The following GSG1L2 variants were observed in gnomAD, a reference collection of about 807,000 sequenced individuals.
GSG1L2 encodes GSG1 like 2, also known as germ cell-specific gene 1-like protein 2.
In GSG1L2, 15 loss-of-function variants were observed where a neutral mutation model predicts 9.0. The ratio of observed to expected loss-of-function variants is 1.67; its 90% CI spans 1.12 to 2.57. GSG1L2 has a LOEUF of 2.57. Among genes scored for constraint, GSG1L2 ranks in the 30% most tolerant of loss-of-function variants. GSG1L2 has a pLI of 0.00. For synonymous variants in GSG1L2, 127 were observed against 57.9 expected (o/e 2.19, Z -5.41); for missense variants, 286 against 150.3 (o/e 1.90, Z -4.72).
Position 9,801,561 on chromosome 17 carries a change from G to A in GSG1L2, c.*825C>T, listed in dbSNP as rs1360853195. 6.6e-6 allele frequency among the ~76,000 whole-genome samples: 1 copy of A among 152,148 alleles called. No homozygotes were observed. The highest frequency in any genetic ancestry group is 2.4e-5 in the African/African-American group (1 of 41,418). On this transcript the variant is annotated 3_prime_UTR_variant, in exon 5 of 5. Coordinates refer to ENST00000399363, the MANE Select transcript of GSG1L2 (RefSeq NM_001310219.2). ...CAAATTATGTGTGGAACAACCTGTG[G>A]CCTGAATAACATGGTAGCTGGACAT... is the stretch of plus-strand genomic sequence containing the variant.
At position 9,820,559 on chromosome 17, in the gene GSG1L2, C is replaced by T. The variant is rs1021081333; in HGVS notation, c.310+1203G>A. Among the ~76,000 whole-genome samples the T allele has an allele frequency of 2.6e-5, 4 of 152,076 alleles. No individual in the cohort carries two copies. Among genetic ancestry groups the T allele is most frequent in the South Asian group, 2.1e-4 (1 of 4,830 alleles). Reference sequence around the variant, plus strand: ...TTAAAGCACAAGACACAGGCACTGGCCTGGATACATGGGAGGTTCAGTCAG... The same window carrying T: ...TTAAAGCACAAGACACAGGCACTGGTCTGGATACATGGGAGGTTCAGTCAG... On this transcript the variant is annotated intron_variant, in intron 1 of 4. Transcript: ENST00000399363. The surrounding 1 kb of genome is among the most constrained non-coding windows in gnomAD (Gnocchi z 4.9).
At chr17:9,816,990 A>C (rs1016137203) in intron 1 of GSG1L2, among the ~76,000 whole-genome samples, 1 of 151,188 alleles carries the variant, frequency 6.6e-6, no homozygotes, top group Admixed American at 6.6e-5. Flanking sequence ...CTTCCTCTAG[A>C]GGAAGGAACC....
chr17:9,814,956 C>T (rs1421484135), intron 1 of GSG1L2, among the ~76,000 whole-genome samples: 1 of 152,192 alleles, frequency 6.6e-6, no homozygotes, highest in South Asian at 2.1e-4. Context: ...GAACATTTCG[C>T]GTAAGTGCTG....
chr17:9,808,198 A>C (rs1359854968), intron 3 of GSG1L2, among the ~76,000 whole-genome samples: 1 of 152,172 alleles, frequency 6.6e-6, no homozygotes. Flanking sequence ...TTGAGGACTA[A>C]AGGAAGTCAT....
chr17:9,811,061 G>T (rs2066537041), intron 1 of GSG1L2: 1 of 167,464 alleles, frequency 6.0e-6, no homozygotes. Flanking sequence ...TTGGGGGGTT[G>T]TTTGTTATTG....
rs768108424 is a variant in GSG1L2 at position 9,802,532 on chromosome 17, G to A, written c.736C>T (p.Arg246Trp). Residue 246 changes from arginine (R) to tryptophan (W), a missense_variant, in exon 5 of 5, where the codon CGG (arginine) becomes TGG (tryptophan). By Grantham distance (101) the Arg-to-Trp change is moderately radical (BLOSUM62 -3). Transcript: ENST00000399363. ...TEKQQAQNGS[R>W]HSQHSFLEPE... Reference sequence around the variant, plus strand: ...TCCAGGAAGCTGTGTTGAGAGTGCCGACTGCCGTTCTGTGCCTGCTGCTTC... The same window carrying A: ...TCCAGGAAGCTGTGTTGAGAGTGCCAACTGCCGTTCTGTGCCTGCTGCTTC... 6.5e-5 allele frequency: 46 copies of A among 702,472 alleles called. No homozygotes were observed. The highest frequency in any genetic ancestry group is 1.1e-4 in the Non-Finnish European group (42 of 384,930). 43.5% of individuals were successfully genotyped at this position (702,472 alleles called of 1,614,324 possible).
chr17:9,821,475 C>G (rs1334768331), intron 1 of GSG1L2, among the ~76,000 whole-genome samples: 3 of 152,238 alleles, frequency 2.0e-5, no homozygotes, highest in Non-Finnish European at 4.4e-5. Flanking sequence ...GTATGTGAAT[C>G]TGGTCATTTC....
chr17:9,810,721 G>A (rs2152023319), intron 1 of GSG1L2, 103 bp from the exon 2 acceptor site: 1 of 687,262 alleles, frequency 1.5e-6, no homozygotes, highest in Non-Finnish European at 2.6e-6. Flanking sequence ...TGGGGAGTGT[G>A]CAGACTGCTT....
At chr17:9,817,383 T>C (rs1190912124) in intron 1 of GSG1L2, among the ~76,000 whole-genome samples, 2 of 151,460 alleles carry the variant, frequency 1.3e-5, no homozygotes, top group East Asian at 1.9e-4. Flanking sequence ...CCCTAGCTCC[T>C]CCTGACATCA....
intron 4 of GSG1L2, among the ~76,000 whole-genome samples, chr17:9,806,853 G>A (rs1292389075): frequency 2.6e-5 from 4 of 152,198 alleles, no homozygotes; most frequent in South Asian, 2.1e-4. Context: ...AACAACTCAC[G>A]AAGCATATGG....
intron 1 of GSG1L2, among the ~76,000 whole-genome samples, chr17:9,816,625 T>G (rs1297511882): frequency 7.8e-6 from 1 of 128,688 alleles, no homozygotes; most frequent in Non-Finnish European, 1.6e-5. Flanking sequence ...TGTGTCTGTT[T>G]TGCATGTCTG....
intron 1 of GSG1L2, among the ~76,000 whole-genome samples, chr17:9,813,829 C>T (rs1294278100): frequency 6.6e-6 from 1 of 152,254 alleles, no homozygotes; most frequent in Non-Finnish European, 1.5e-5. Flanking sequence ...GTCACCATCG[C>T]AAGTTTCCTG....
chr17:9,807,834 C>A (rs2066521927), intron 3 of GSG1L2: 1 of 458,440 alleles, frequency 2.2e-6, no homozygotes, highest in Non-Finnish European at 4.0e-6. Context: ...GTAGGAGTCT[C>A]CATGGCCTGG....
At chr17:9,809,243 G>A in intron 2 of GSG1L2, 1 of 458,036 alleles carries the variant, frequency 2.2e-6, no homozygotes, top group Non-Finnish European at 4.0e-6. Context: ...CCTGCTGTGA[G>A]GATATGAGTG....
At chr17:9,821,418 T>C (rs1215496086) in intron 1 of GSG1L2, among the ~76,000 whole-genome samples, 4 of 147,890 alleles carry the variant, frequency 2.7e-5, no homozygotes, top group Non-Finnish European at 5.9e-5. Flanking sequence ...AACGAGAAAC[T>C]AATTTTAATA....
At chr17:9,802,803 G>A (rs1261342336) in intron 4 of GSG1L2, among the ~76,000 whole-genome samples, 159 bp from the exon 5 acceptor site, 3 of 152,150 alleles carry the variant, frequency 2.0e-5, no homozygotes, top group Non-Finnish European at 2.9e-5. Flanking sequence ...TCTAGTCAAC[G>A]TACTGTTTAG....
chr17:9,809,280 C>G (rs1328963076), intron 2 of GSG1L2: 3 of 392,040 alleles, frequency 7.7e-6, no homozygotes, highest in Non-Finnish European at 1.4e-5. Context: ...TGCCCTAGCT[C>G]AAAAACTACC....
At chr17:9,805,354 T>C (rs1010153829) in intron 4 of GSG1L2, 3 of 141,248 alleles carry the variant, frequency 2.1e-5, no homozygotes, top group African/African-American at 8.1e-5. Context: ...TTTCAGAACA[T>C]TGGTCATAAA....
chr17:9,816,466 G>A (rs1405537377), intron 1 of GSG1L2, among the ~76,000 whole-genome samples: 2 of 106,700 alleles, frequency 1.9e-5, no homozygotes, highest in Admixed American at 1.1e-4. Flanking sequence ...GTGTGCGTCC[G>A]TGTGCGTGTC....
Sources: gnomAD v4.1 joint callset for allele counts (sites outside exome capture counted in the v4.1 genomes callset) on GRCh38, gnomAD v4.1.1 for gene constraint, Gnocchi (gnomAD v3.1) non-coding constraint, MANE v1.5 for transcripts, NCBI Gene and HGNC (gene_info 2026-07-23, HGNC 2026-07-21) for gene names.